MEGF11: variants seen among roughly 807,000 people sequenced by gnomAD.
The protein encoded by MEGF11 is multiple EGF like domains 11, also known as multiple epidermal growth factor-like domains protein 11.
In MEGF11, 126 loss-of-function variants were observed where a neutral mutation model predicts 146.6. The ratio of observed to expected loss-of-function variants is 0.86; its 90% CI spans 0.74 to 1.00. MEGF11 has a LOEUF of 1.00. Among genes scored for constraint, MEGF11 ranks in the 50% least tolerant of loss-of-function variants. MEGF11 has a pLI of 0.00. For synonymous variants in MEGF11, 532 were observed against 583.4 expected (o/e 0.91, Z 1.27); for missense variants, 1,509 against 1,521.2 (o/e 0.99, Z 0.13).
intron 5 of MEGF11, among the ~76,000 whole-genome samples, chr15:66,060,868 G>T (rs909236312): frequency 6.6e-5 from 10 of 152,392 alleles, no homozygotes; most frequent in Non-Finnish European, 1.2e-4. Flanking sequence ...AGTCTAAAGG[G>T]ACGGAAACAG....
chr15:66,233,373 T>C (rs1322902551), intron 1 of MEGF11, among the ~76,000 whole-genome samples: 2 of 152,082 alleles, frequency 1.3e-5, no homozygotes, highest in Non-Finnish European at 2.9e-5. Flanking sequence ...GTAGCTGGGA[T>C]TACAGGTGCC....
At chr15:66,215,504 T>A (rs773598510) in intron 1 of MEGF11, among the ~76,000 whole-genome samples, 2 of 152,184 alleles carry the variant, frequency 1.3e-5, no homozygotes, top group Admixed American at 1.3e-4. Flanking sequence ...AAATGACTGA[T>A]AGTCTTGATG....
intron 5 of MEGF11, among the ~76,000 whole-genome samples, chr15:66,049,992 T>C (rs2084385300): frequency 6.6e-6 from 1 of 152,262 alleles, no homozygotes; most frequent in Admixed American, 6.5e-5. Context: ...TTCTAGGTAC[T>C]GAGGATACAG....
intron 5 of MEGF11, among the ~76,000 whole-genome samples, chr15:66,068,526 T>C (rs538820924): frequency 2.0e-5 from 3 of 152,288 alleles, no homozygotes; most frequent in African/African-American, 7.2e-5. Context: ...AATGAGAAAG[T>C]TGAGGCCCAG....
chr15:66,110,891 C>T (rs2087358212), intron 4 of MEGF11, among the ~76,000 whole-genome samples: 1 of 152,130 alleles, frequency 6.6e-6, no homozygotes, highest in Non-Finnish European at 1.5e-5. Context: ...AGGACCCACA[C>T]CTTAGCAAAA....
chr15:66,051,308 G>C (rs1196616375), intron 5 of MEGF11, among the ~76,000 whole-genome samples: 2 of 152,104 alleles, frequency 1.3e-5, no homozygotes, highest in African/African-American at 2.4e-5. Flanking sequence ...GGAGAGTCCT[G>C]GGTCTCATTG....
At chr15:65,977,259 G>A (rs1596942852) in intron 7 of MEGF11, among the ~76,000 whole-genome samples, 1 of 151,920 alleles carries the variant, frequency 6.6e-6, no homozygotes, top group East Asian at 1.9e-4. Context: ...TCTCCTGGAG[G>A]GGAGGCAACT....
At chr15:65,917,933 A>G (rs371822167) in intron 16 of MEGF11, 33 bp downstream of exon 16, 38 of 1,613,362 alleles carry the variant, frequency 2.4e-5, no homozygotes, top group African/African-American at 4.0e-5. Context: ...GCCTGACCCC[A>G]GGTAGGGGCA....
intron 10 of MEGF11, among the ~76,000 whole-genome samples, chr15:65,941,409 C>T (rs1278197104): frequency 3.3e-5 from 5 of 151,964 alleles, no homozygotes; most frequent in Non-Finnish European, 7.4e-5. Flanking sequence ...AATTGCTCCA[C>T]TGCACTCCAG....
chr15:66,110,177 T>C (rs905209838), intron 4 of MEGF11, among the ~76,000 whole-genome samples: 1 of 152,180 alleles, frequency 6.6e-6, no homozygotes, highest in African/African-American at 2.4e-5. Context: ...CCACCAGGCA[T>C]TGTGGGTGCC....
intron 5 of MEGF11, among the ~76,000 whole-genome samples, chr15:66,006,404 C>T (rs1007628852): frequency 6.6e-6 from 1 of 152,218 alleles, no homozygotes; most frequent in Non-Finnish European, 1.5e-5. Flanking sequence ...AGAAGCCAAA[C>T]CATTCCATTT....
intron 10 of MEGF11, among the ~76,000 whole-genome samples, chr15:65,947,680 A>G (rs2080247710): frequency 6.6e-6 from 1 of 152,162 alleles, no homozygotes; most frequent in Non-Finnish European, 1.5e-5. Context: ...AGAATTGGTG[A>G]GGTCAGACCC....
intron 21 of MEGF11, among the ~76,000 whole-genome samples, chr15:65,911,626 T>C (rs1356457003): frequency 6.6e-6 from 1 of 152,226 alleles, no homozygotes; most frequent in African/African-American, 2.4e-5. Context: ...TTGGCCAGGA[T>C]GGTCTCAATA....
chr15:65,960,769 G>A (rs894121931), intron 9 of MEGF11, among the ~76,000 whole-genome samples: 11 of 152,122 alleles, frequency 7.2e-5, no homozygotes, highest in Non-Finnish European at 1.3e-4. Flanking sequence ...TTTTGGTGAG[G>A]GCACCACCTG....
chr15:65,913,848 C>A lies in MEGF11; in HGVS notation c.2599G>T (p.Gly867Cys). Residue 867 changes from glycine (G) to cysteine (C), a missense_variant, in exon 20 of 26, where the codon GGC becomes TGC. By Grantham distance (159) the Gly-to-Cys change is radical (BLOSUM62 -3). Transcript: ENST00000395614. ...LLLFLIVVLL[G>C]LFAWHRRRQK... ...CGCCGCCGATGCCAGGCAAATAGGC[C>A]CAGCAGCACCACAATGAGGAATAAC... The A allele has an allele frequency of 6.2e-7, 1 of 1,613,992 alleles. No individual in the cohort carries two copies. The highest frequency in any genetic ancestry group is 8.5e-7 in the Non-Finnish European group (1 of 1,179,882).
intron 1 of MEGF11, among the ~76,000 whole-genome samples, chr15:66,242,246 A>T (rs368565461): frequency 5.6e-4 from 85 of 151,806 alleles, no homozygotes; most frequent in African/African-American, 1.9e-3. Context: ...ATCTCTACAA[A>T]AAAAAATAAA....
chr15:65,922,982 G>A lies in MEGF11; in HGVS notation c.1676-13C>T. The A allele has an allele frequency of 6.2e-7, 1 of 1,611,124 alleles. No homozygotes were observed. The highest frequency in any genetic ancestry group is 8.5e-7 in the Non-Finnish European group (1 of 1,179,070). The stretch of plus-strand genomic sequence containing the variant: ...TCACAGCGGATGCCTGTGGGCCAGA[G>A]GCAGACTCGGGTCAGTGGTAAGAGA... On this transcript the variant is annotated splice_polypyrimidine_tract_variant and intron_variant, in intron 13 of 25. Coordinates refer to ENST00000395614, the MANE Select transcript of MEGF11 (RefSeq NM_001385028.1).
chr15:66,060,130 G>A (rs1368454955), intron 5 of MEGF11, among the ~76,000 whole-genome samples: 6 of 151,904 alleles, frequency 3.9e-5, no homozygotes, highest in African/African-American at 1.5e-4. Context: ...CTAGGAGATG[G>A]GGCCCGGGAC....
At chr15:66,212,963 C>T (rs909273604) in intron 1 of MEGF11, among the ~76,000 whole-genome samples, 3 of 152,212 alleles carry the variant, frequency 2.0e-5, no homozygotes, top group Non-Finnish European at 4.4e-5. Flanking sequence ...GCCCCTCATG[C>T]CCCGCCCAGG....
Sources: gnomAD v4.1 joint callset for allele counts (sites outside exome capture counted in the v4.1 genomes callset) on GRCh38, gnomAD v4.1.1 for gene constraint, MANE v1.5 for transcripts, NCBI Gene and HGNC (gene_info 2026-07-23, HGNC 2026-07-21) for gene names.